GRB10: variants seen among roughly 807,000 people sequenced by gnomAD.
The protein encoded by GRB10 is growth factor receptor bound protein 10.
In GRB10, 20 loss-of-function variants were observed where a neutral mutation model predicts 80.9. That is an observed-to-expected ratio of 0.25 (90% CI 0.17 to 0.36). The LOEUF (loss-of-function observed/expected upper bound fraction) is 0.36, where lower values mean the gene tolerates loss of function less well. Ranked by LOEUF, GRB10 falls within the 10% of genes least tolerant of loss-of-function variation. The probability of loss-of-function intolerance (pLI) is 1.00; values close to 1 mark genes in which losing one functional copy is unlikely to be tolerated. For synonymous variants in GRB10, 291 were observed against 291.5 expected, an observed-to-expected ratio of 1.00 and a Z score of 0.02; for missense variants, 548 against 747.7, an observed-to-expected ratio of 0.73 and a Z score of 3.12.
chr7:50,592,023 G>A lies in GRB10; in HGVS notation c.*929C>T, dbSNP rs1291912758. On this transcript the variant is annotated 3_prime_UTR_variant, in exon 19 of 19. Transcript: ENST00000401949. ...GTTCTAGAACAGGCTGAAGGCTGTG[G>A]AAACGCAAGGCTGAAGTACCCAGGT... 6.6e-6 allele frequency: 1 copy of A among 152,254 alleles called. No homozygotes were observed. Among genetic ancestry groups the A allele is most frequent in the African/African-American group, 2.4e-5 (1 of 41,456 alleles). 9.4% of individuals were successfully genotyped at this position (152,254 alleles called of 1,614,324 possible).
chr7:50,685,711 A>T (rs1443424853), intron 5 of GRB10, among the ~76,000 whole-genome samples: 1 of 152,188 alleles, frequency 6.6e-6, no homozygotes, highest in Non-Finnish European at 1.5e-5. Context: ...ATCTCTGTTT[A>T]CAGACAAGAC....
intron 4 of GRB10, among the ~76,000 whole-genome samples, chr7:50,705,881 C>A (rs963932414): frequency 6.6e-6 from 1 of 152,214 alleles, no homozygotes; most frequent in Non-Finnish European, 1.5e-5. Flanking sequence ...TCCCCAAGAA[C>A]CTCCGCAACA....
At position 50,592,781 on chromosome 7, in the gene GRB10, C is replaced by T. The variant is rs995761812; in HGVS notation, c.*171G>A. 10 of 757,162 alleles carry T rather than the reference C, an allele frequency of 1.3e-5. No individual in the cohort carries two copies. Among genetic ancestry groups the T allele is most frequent in the African/African-American group, 3.4e-5 (2 of 58,184 alleles). The allele number at this position is 757,162 out of a possible 1,614,324, so 46.9% of individuals were successfully genotyped here. Reference sequence around the variant, plus strand: ...CCCTGCTGGGTTCACAGCAGCAAATCGTCGTTTAAGTCCAACAAACTAGTC... The same window carrying T: ...CCCTGCTGGGTTCACAGCAGCAAATTGTCGTTTAAGTCCAACAAACTAGTC... On this transcript the variant is annotated 3_prime_UTR_variant, in exon 19 of 19. Transcript: ENST00000401949.
chr7:50,604,724 G>A (rs577507365), intron 15 of GRB10, among the ~76,000 whole-genome samples: 1 of 152,338 alleles, frequency 6.6e-6, no homozygotes, highest in East Asian at 1.9e-4. Context: ...CTGGGCACTG[G>A]ACTCCCCGTG....
At chr7:50,610,462 G>A (rs1005730239) in intron 13 of GRB10, among the ~76,000 whole-genome samples, 1 of 152,162 alleles carries the variant, frequency 6.6e-6, no homozygotes, top group Non-Finnish European at 1.5e-5. Flanking sequence ...TCTAGAATCC[G>A]TGTATCACTG....
intron 9 of GRB10, among the ~76,000 whole-genome samples, chr7:50,618,696 C>A (rs2153582658): frequency 6.6e-6 from 1 of 152,342 alleles, no homozygotes; most frequent in Admixed American, 6.5e-5. Flanking sequence ...TCTCACAGGA[C>A]AAGTGCCTCT....
chr7:50,607,965 T>C (rs540667158), intron 13 of GRB10, among the ~76,000 whole-genome samples: 7 of 152,310 alleles, frequency 4.6e-5, no homozygotes, highest in Non-Finnish European at 7.3e-5. Context: ...CTAGGTCTCA[T>C]GGCACATACT....
intron 1 of GRB10, among the ~76,000 whole-genome samples, chr7:50,787,963 G>C (rs779294633): frequency 2.5e-4 from 38 of 152,138 alleles, no homozygotes; most frequent in Non-Finnish European, 4.6e-4. Flanking sequence ...CACTGAACAT[G>C]ACCCAGCCAG....
At chr7:50,603,247 G>A (rs2047930244) in intron 17 of GRB10, among the ~76,000 whole-genome samples, 1 of 152,180 alleles carries the variant, frequency 6.6e-6, no homozygotes, top group African/African-American at 2.4e-5. Context: ...GGCCTTCTGT[G>A]GTAACTGCAT....
intron 4 of GRB10, among the ~76,000 whole-genome samples, chr7:50,715,222 G>A (rs13311390): frequency 6.6e-6 from 1 of 151,010 alleles, no homozygotes; most frequent in Non-Finnish European, 1.5e-5. Context: ...TGAAGGGCAG[G>A]CGCGATCTGG....
chr7:50,638,727 T>C (rs529378147), intron 7 of GRB10, among the ~76,000 whole-genome samples: 2 of 152,326 alleles, frequency 1.3e-5, no homozygotes, highest in African/African-American at 4.8e-5. Flanking sequence ...TTCAACCCAG[T>C]AATCCCACTA....
At chr7:50,789,183 CA>C (rs1283934623) in intron 1 of GRB10, among the ~76,000 whole-genome samples, 1 of 152,174 alleles carries the variant, frequency 6.6e-6, no homozygotes, top group Non-Finnish European at 1.5e-5. Flanking sequence ...TAAATTCAAA[CA>C]AGATTTTGTG....
chr7:50,732,188 G>C lies in GRB10; in HGVS notation c.51+84C>G. The stretch of plus-strand genomic sequence containing the variant: ...CTAGTGACCTGAGAGCTACAGAAAC[G>C]ATCCATGGCTGCTGGCGACATGTGT... On this transcript the variant is annotated intron_variant, in intron 4 of 18. Coordinates refer to ENST00000401949, the MANE Select transcript of GRB10 (RefSeq NM_001350814.2). The C allele has an allele frequency of 2.1e-6, 3 of 1,399,074 alleles. No homozygotes were observed. In the South Asian group the frequency reaches 3.5e-5, roughly 16 times the overall value. The allele number at this position is 1,399,074 out of a possible 1,614,324, so 86.7% of individuals were successfully genotyped here.
chr7:50,597,905 C>T (rs144114102), intron 17 of GRB10, among the ~76,000 whole-genome samples: 1,945 of 152,226 alleles, frequency 0.013, 42 homozygotes, highest in African/African-American at 0.044. Flanking sequence ...CTCTTGTCAC[C>T]CAGGCTGGAG....
chr7:50,656,312 C>T (rs749296720), intron 7 of GRB10, among the ~76,000 whole-genome samples: 23 of 152,162 alleles, frequency 1.5e-4, no homozygotes, highest in Non-Finnish European at 2.8e-4. Context: ...ATCCTGTGGA[C>T]TTGAGACCAT....
intron 3 of GRB10, among the ~76,000 whole-genome samples, chr7:50,741,747 T>C (rs2071794639): frequency 1.3e-5 from 2 of 152,124 alleles, no homozygotes; most frequent in African/African-American, 4.8e-5. Flanking sequence ...ATGAAATGCA[T>C]ATTTTATAAA....
intron 17 of GRB10, among the ~76,000 whole-genome samples, chr7:50,602,927 G>C (rs1174909119): frequency 6.6e-6 from 1 of 152,100 alleles, no homozygotes. Context: ...AGGAGAAAAG[G>C]GAAAAGAGAG....
chr7:50,643,899 C>A (rs1163401519), intron 7 of GRB10, among the ~76,000 whole-genome samples: 2 of 152,178 alleles, frequency 1.3e-5, no homozygotes, highest in African/African-American at 4.8e-5. Flanking sequence ...TCTATTACTG[C>A]AACTTCTCTA....
intron 17 of GRB10, 24 bp from the exon 18 acceptor site, chr7:50,595,554 T>A (rs1263138728): frequency 7.6e-7 from 1 of 1,309,906 alleles, no homozygotes; most frequent in East Asian, 2.3e-5. Context: ...AATAGTTGAT[T>A]GCTAAAATAT....
Sources: allele counts gnomAD v4.1 joint callset (sites outside exome capture counted in the v4.1 genomes callset), GRCh38; gene constraint gnomAD v4.1.1; transcripts MANE v1.5; gene names NCBI Gene and HGNC (gene_info 2026-07-23, HGNC 2026-07-21).